Variants in CNTN6 observed in about 807,000 individuals in gnomAD.
CNTN6 encodes contactin 6, also known as contactin-6.
Under a neutral mutation model 122.8 loss-of-function variants are expected in CNTN6, and 137 were observed. The ratio of observed to expected loss-of-function variants is 1.12; its 90% CI spans 0.97 to 1.29. The LOEUF is 1.29. CNTN6 is among the 50% of genes most tolerant of loss of function. The pLI, the probability that CNTN6 is intolerant of heterozygous loss-of-function variation, is 0.00. For missense variants in CNTN6, 1,634 were observed against 1,223.4 expected (o/e 1.34, Z -5.01); for synonymous variants, 570 against 426.0 (o/e 1.34, Z -4.16).
chr3:1,339,399 A>G (rs938951637), intron 11 of CNTN6, among the ~76,000 whole-genome samples: 2 of 152,142 alleles, frequency 1.3e-5, no homozygotes, highest in Non-Finnish European at 2.9e-5. Flanking sequence ...TGGCAAACCA[A>G]TTTGACGGGC....
At chr3:1,382,469 A>G (rs932332950) in intron 17 of CNTN6, among the ~76,000 whole-genome samples, 3 of 152,216 alleles carry the variant, frequency 2.0e-5, no homozygotes, top group African/African-American at 7.2e-5. Context: ...TTAAAGAAAT[A>G]TTCTGTGTCT....
intron 17 of CNTN6, among the ~76,000 whole-genome samples, chr3:1,380,875 T>C (rs1575968773): frequency 1.3e-5 from 2 of 152,362 alleles, no homozygotes; most frequent in South Asian, 4.1e-4. Flanking sequence ...TCAATTTTCA[T>C]AGATTTTACT....
intron 1 of CNTN6, among the ~76,000 whole-genome samples, chr3:1,115,677 G>A (rs998757135): frequency 3.3e-5 from 5 of 152,104 alleles, no homozygotes; most frequent in Non-Finnish European, 7.4e-5. Context: ...GCTTGAACCC[G>A]GGAGGCAGAG....
Position 1,322,503 on chromosome 3 carries a change from TC to T in CNTN6, c.946+671del, listed in dbSNP as rs532046096. Among the ~76,000 whole-genome samples, 474 of 151,872 alleles carry T rather than the reference TC, an allele frequency of 3.1e-3. 2 individuals carry two copies. Among genetic ancestry groups the T allele is most frequent in the African/African-American group, 0.011 (448 of 41,516 alleles). On this transcript the variant is annotated intron_variant, in intron 8 of 22. Transcript: ENST00000446702. ...CAAAATGCTGTATACTATTAAAAGATCCTTAACTTCTTTGATAAACTTAATG... is the reference window on the plus strand; with the variant it reads ...CAAAATGCTGTATACTATTAAAAGATCTTAACTTCTTTGATAAACTTAATG...
At chr3:1,327,753 T>C (rs1028393516) in intron 10 of CNTN6, among the ~76,000 whole-genome samples, 167 bp downstream of exon 10, 1 of 151,846 alleles carries the variant, frequency 6.6e-6, no homozygotes, top group African/African-American at 2.4e-5. Context: ...TAATTATTAT[T>C]CTGCTTGGGC....
chr3:1,388,207 G>T (rs571139006), intron 20 of CNTN6, among the ~76,000 whole-genome samples: 3 of 150,110 alleles, frequency 2.0e-5, no homozygotes, highest in African/African-American at 4.9e-5. Context: ...GCATGCAGCT[G>T]GAGATCTGAG....
At chr3:1,267,140 G>C (rs538185631) in intron 4 of CNTN6, among the ~76,000 whole-genome samples, 1 of 151,878 alleles carries the variant, frequency 6.6e-6, no homozygotes, top group East Asian at 1.9e-4. Flanking sequence ...TTAAGTACAA[G>C]GTCAGGATGT....
chr3:1,383,538 A>T, intron 19 of CNTN6, 130 bp downstream of exon 19: 1 of 695,168 alleles, frequency 1.4e-6, no homozygotes, highest in Non-Finnish European at 2.4e-6. Flanking sequence ...TAAAGCAGAG[A>T]ATGAAGTTGA....
chr3:1,341,589 C>T (rs1378824675), intron 11 of CNTN6, among the ~76,000 whole-genome samples: 2 of 152,192 alleles, frequency 1.3e-5, no homozygotes, highest in African/African-American at 4.8e-5. Flanking sequence ...TTAGCAACTG[C>T]TCTTACCTAC....
At chr3:1,342,511 A>G (rs938983476) in intron 11 of CNTN6, among the ~76,000 whole-genome samples, 2 of 152,058 alleles carry the variant, frequency 1.3e-5, no homozygotes, top group African/African-American at 4.8e-5. Flanking sequence ...ATGTCACTTC[A>G]TGTAGGTTTT....
rs1692182874 is a variant in CNTN6 at position 1,383,108 on chromosome 3, TG to T, written c.2336del (p.Gly779ValfsTer11). On this transcript the variant is annotated frameshift_variant, in exon 18 of 23. Coordinates refer to ENST00000446702, the MANE Select transcript of CNTN6 (RefSeq NM_001289080.2). LOFTEE classifies it high-confidence loss of function. The stretch of plus-strand genomic sequence containing the variant: ...CCACTGTCTCCCTTTGAAGTCAAAG[TG>T]GGTGTGTATAATAATGAAGGAGAAG... ...IIPLSPFEVKVGVYNNEGEGS... is the reference protein window; with the variant it reads ...IIPLSPFEVKXGVYNNEGEGS... The T allele has an allele frequency of 6.2e-7, 1 of 1,613,826 alleles. No homozygotes were observed. Among genetic ancestry groups the T allele is most frequent in the Non-Finnish European group, 8.5e-7 (1 of 1,179,922 alleles).
intron 2 of CNTN6, among the ~76,000 whole-genome samples, chr3:1,208,281 C>T (rs2093984917): frequency 6.6e-6 from 1 of 151,966 alleles, no homozygotes; most frequent in Non-Finnish European, 1.5e-5. Flanking sequence ...CTAAATCTGC[C>T]ATTCCATCTT....
Position 1,390,801 on chromosome 3 carries a change from T to G in CNTN6, c.2704+5004T>G, listed in dbSNP as rs528663550. On this transcript the variant is annotated intron_variant, in intron 20 of 22. Coordinates refer to ENST00000446702, the MANE Select transcript of CNTN6 (RefSeq NM_001289080.2). ...ACCTCTATGCAAAGAAACTAGAAAATCTAGAAGAAATGGATAAATTCCTCG... is the reference window on the plus strand; with the variant it reads ...ACCTCTATGCAAAGAAACTAGAAAAGCTAGAAGAAATGGATAAATTCCTCG... 2.3e-3 allele frequency among the ~76,000 whole-genome samples: 352 copies of G among 150,730 alleles called. 3 individuals are homozygous for G. The Middle Eastern group carries it at 0.041, about 17-fold the overall frequency.
intron 7 of CNTN6, among the ~76,000 whole-genome samples, chr3:1,301,504 G>T (rs1697408992): frequency 6.6e-6 from 1 of 152,072 alleles, no homozygotes. Flanking sequence ...AATAACCGTT[G>T]AACATGAAAT....
At chr3:1,301,451 A>C (rs1415755752) in intron 7 of CNTN6, among the ~76,000 whole-genome samples, 1 of 152,224 alleles carries the variant, frequency 6.6e-6, no homozygotes, top group Non-Finnish European at 1.5e-5. Flanking sequence ...GTACAAAAGA[A>C]ACCCCCTGAT....
intron 4 of CNTN6, among the ~76,000 whole-genome samples, chr3:1,248,063 G>A (rs1435489854): frequency 6.6e-6 from 1 of 152,122 alleles, no homozygotes; most frequent in Non-Finnish European, 1.5e-5. Context: ...CTTGGTGGAA[G>A]GCTCACAACC....
At chr3:1,314,961 A>G (rs939465538) in intron 7 of CNTN6, among the ~76,000 whole-genome samples, 46 of 152,114 alleles carry the variant, frequency 3.0e-4, no homozygotes, top group African/African-American at 1.1e-3. Context: ...GAATTGCTTC[A>G]TATTGGTTTT....
At chr3:1,144,227 A>G (rs2092676242) in intron 1 of CNTN6, among the ~76,000 whole-genome samples, 1 of 152,168 alleles carries the variant, frequency 6.6e-6, no homozygotes. Flanking sequence ...AGAGAAATAC[A>G]TTGAGTCAGT....
intron 7 of CNTN6, among the ~76,000 whole-genome samples, chr3:1,303,643 T>G (rs748811804): frequency 6.6e-5 from 10 of 152,158 alleles, no homozygotes; most frequent in Admixed American, 6.5e-5. Context: ...TCTCAGTTAT[T>G]TGTGGGTCTG....
Sources: gnomAD v4.1 joint callset for allele counts (sites outside exome capture counted in the v4.1 genomes callset) on GRCh38, gnomAD v4.1.1 for gene constraint, MANE v1.5 for transcripts, NCBI Gene and HGNC (gene_info 2026-07-23, HGNC 2026-07-21) for gene names.